Variants in KCND3 observed in about 807,000 individuals in gnomAD.
KCND3 encodes A-type voltage-gated potassium channel KCND3.
Under a neutral mutation model 51.1 loss-of-function variants are expected in KCND3, and 9 were observed. The observed-to-expected ratio is 0.18, with a 90% CI of 0.11 to 0.31. The LOEUF is 0.31. KCND3 is among the 10% of genes least tolerant of loss of function. The probability of loss-of-function intolerance (pLI) is 1.00; values close to 1 mark genes in which losing one functional copy is unlikely to be tolerated. For synonymous variants in KCND3, 349 were observed against 368.0 expected, an observed-to-expected ratio of 0.95 and a Z score of 0.59; for missense variants, 526 against 903.8, an observed-to-expected ratio of 0.58 and a Z score of 5.36.
chr1:111,929,886 C>A (rs1355695020), intron 2 of KCND3, among the ~76,000 whole-genome samples: 1 of 152,216 alleles, frequency 6.6e-6, no homozygotes, highest in Non-Finnish European at 1.5e-5. Context: ...AATTTAAAGG[C>A]AGGAGACAGA....
At chr1:111,959,190 T>A (rs1373290) in intron 2 of KCND3, among the ~76,000 whole-genome samples, 2 of 151,990 alleles carry the variant, frequency 1.3e-5, no homozygotes, top group Non-Finnish European at 2.9e-5. Flanking sequence ...ATTCGGTCGG[T>A]GGTGGACAGC....
chr1:111,856,651 A>C (rs1268534055), intron 2 of KCND3, among the ~76,000 whole-genome samples: 1 of 152,230 alleles, frequency 6.6e-6, no homozygotes, highest in African/African-American at 2.4e-5. Context: ...CCACCTGCCA[A>C]AGGTGACTGC....
chr1:111,868,343 C>T (rs1280113378), intron 2 of KCND3, among the ~76,000 whole-genome samples: 1 of 152,176 alleles, frequency 6.6e-6, no homozygotes, highest in African/African-American at 2.4e-5. Flanking sequence ...CAGATAACTG[C>T]TGCATTTCCC....
chr1:111,841,935 G>A (rs1033684178), intron 2 of KCND3, among the ~76,000 whole-genome samples: 1 of 152,212 alleles, frequency 6.6e-6, no homozygotes, highest in African/African-American at 2.4e-5. Flanking sequence ...CAGGCCTGGG[G>A]GGGTCAGGGG....
At chr1:111,885,786 C>A (rs1459761081) in intron 2 of KCND3, among the ~76,000 whole-genome samples, 1 of 152,098 alleles carries the variant, frequency 6.6e-6, no homozygotes, top group Admixed American at 6.6e-5. Flanking sequence ...GATTCTCCTG[C>A]CTCAGCCTCC....
chr1:111,932,621 T>C (rs1249831334), intron 2 of KCND3, among the ~76,000 whole-genome samples: 1 of 152,242 alleles, frequency 6.6e-6, no homozygotes, highest in Non-Finnish European at 1.5e-5. Flanking sequence ...AATGGAATCA[T>C]ACAGTTTGTC....
intron 2 of KCND3, among the ~76,000 whole-genome samples, chr1:111,788,430 G>A (rs116400219): frequency 1.3e-4 from 20 of 152,340 alleles, no homozygotes; most frequent in Admixed American, 2.6e-4. Context: ...GATGGGGCAA[G>A]CTATTTCAGA....
intron 2 of KCND3, among the ~76,000 whole-genome samples, chr1:111,832,567 C>T (rs927056065): frequency 6.6e-5 from 10 of 152,088 alleles, no homozygotes; most frequent in Admixed American, 3.9e-4. Flanking sequence ...GCAGCCAGAA[C>T]GATTTCCAAG....
intron 6 of KCND3, 32 bp downstream of exon 6, chr1:111,778,404 A>G: frequency 6.3e-7 from 1 of 1,594,960 alleles, no homozygotes; most frequent in African/African-American, 1.3e-5. Context: ...ATCAGAGAGA[A>G]AAACATCAAT....
intron 2 of KCND3, among the ~76,000 whole-genome samples, chr1:111,818,973 T>G (rs1013266519): frequency 1.3e-5 from 2 of 152,206 alleles, no homozygotes; most frequent in African/African-American, 4.8e-5. Context: ...AGCTTTTGTA[T>G]GCATTTGTTT....
At chr1:111,951,775 T>C (rs994383340) in intron 2 of KCND3, among the ~76,000 whole-genome samples, 3 of 152,170 alleles carry the variant, frequency 2.0e-5, no homozygotes, top group Admixed American at 1.3e-4. Context: ...CTATTTTAGA[T>C]AGAGTAGTCT....
chr1:111,796,846 CAG>C (rs1665076715), intron 2 of KCND3, among the ~76,000 whole-genome samples: 2 of 152,210 alleles, frequency 1.3e-5, no homozygotes, highest in Non-Finnish European at 2.9e-5. Context: ...GCTCTGCCAG[CAG>C]AGAGTCCTGC....
rs188766314 is a variant in KCND3 at position 111,791,828 on chromosome 1, G to A, written c.1107-4722C>T. ...CATTTTTATTCAAATAATCAATGACGTATAGCTGATGGGAAGGACCTGGTT... is the reference window on the plus strand; with the variant it reads ...CATTTTTATTCAAATAATCAATGACATATAGCTGATGGGAAGGACCTGGTT... On this transcript the variant is annotated intron_variant, in intron 2 of 7. Coordinates refer to ENST00000302127, the MANE Select transcript of KCND3 (RefSeq NM_001378969.1). 4.5e-3 allele frequency among the ~76,000 whole-genome samples: 678 copies of A among 152,300 alleles called. 8 individuals are homozygous for A. Among genetic ancestry groups the A allele is most frequent in the Admixed American group, 8.4e-3 (129 of 15,292 alleles).
intron 2 of KCND3, among the ~76,000 whole-genome samples, chr1:111,847,728 T>C (rs1180031424): frequency 6.6e-6 from 1 of 152,156 alleles, no homozygotes; most frequent in Non-Finnish European, 1.5e-5. Flanking sequence ...ATGGCTGTCC[T>C]GGGCTTAATT....
At chr1:111,904,699 C>T (rs568613537) in intron 2 of KCND3, among the ~76,000 whole-genome samples, 14 of 152,322 alleles carry the variant, frequency 9.2e-5, no homozygotes, top group East Asian at 5.8e-4. Flanking sequence ...TTGGTGGCGA[C>T]GGCAAGCTGC....
chr1:111,934,073 G>A (rs61788956), intron 2 of KCND3, among the ~76,000 whole-genome samples: 10,928 of 152,160 alleles, frequency 0.072, 495 homozygotes, highest in South Asian at 0.17. Flanking sequence ...AAGGTGGTGC[G>A]GGGGCTCAGC....
intron 1 of KCND3, among the ~76,000 whole-genome samples, chr1:111,983,633 C>T (rs945155109): frequency 6.6e-6 from 1 of 152,058 alleles, no homozygotes. Flanking sequence ...CAGAAGAAGC[C>T]GATCCGCGCT....
intron 2 of KCND3, among the ~76,000 whole-genome samples, chr1:111,900,613 T>C (rs749644836): frequency 4.6e-5 from 7 of 152,092 alleles, no homozygotes; most frequent in Non-Finnish European, 1.0e-4. Context: ...GTTTATCTTG[T>C]ATACTGCCAT....
intron 3 of KCND3, among the ~76,000 whole-genome samples, chr1:111,782,202 G>GCCACAGT (rs1664417945): frequency 6.6e-6 from 1 of 152,186 alleles, no homozygotes; most frequent in South Asian, 2.1e-4. Context: ...CTAAAAGGAG[G>GCCACAGT]CCACAGTCTC....
Sources: allele counts gnomAD v4.1 joint callset (sites outside exome capture counted in the v4.1 genomes callset), GRCh38; gene constraint gnomAD v4.1.1; transcripts MANE v1.5; gene names NCBI Gene and HGNC (gene_info 2026-07-23, HGNC 2026-07-21).